Variants in PDE10A observed in about 807,000 individuals in gnomAD.
PDE10A encodes phosphodiesterase 10A, also known as cAMP and cAMP-inhibited cGMP 3',5'-cyclic phosphodiesterase 10A.
PDE10A carries 39 observed loss-of-function variants against 97.7 expected under a neutral mutation model. The observed-to-expected ratio is 0.40, with a 90% CI of 0.31 to 0.52. The LOEUF (loss-of-function observed/expected upper bound fraction) is 0.52, where lower values mean the gene tolerates loss of function less well. Ranked by LOEUF, PDE10A falls within the 20% of genes least tolerant of loss-of-function variation. The pLI is 0.56. For synonymous variants in PDE10A, 371 were observed against 376.8 expected, an observed-to-expected ratio of 0.98 and a Z score of 0.18; for missense variants, 731 against 1,047.8, an observed-to-expected ratio of 0.70 and a Z score of 4.17.
chr6:165,707,713 G>A (rs947688373), intron 1 of PDE10A, among the ~76,000 whole-genome samples: 6 of 151,776 alleles, frequency 4.0e-5, no homozygotes, highest in African/African-American at 1.2e-4. Context: ...GAGACTGTGC[G>A]TGTGTGTATG....
intron 1 of PDE10A, among the ~76,000 whole-genome samples, chr6:165,580,440 G>T (rs1051153306): frequency 6.6e-6 from 1 of 152,184 alleles, no homozygotes; most frequent in African/African-American, 2.4e-5. Context: ...AATGAGGCTG[G>T]TTTTTGTCAA....
chr6:165,417,053 T>C (rs183816088), intron 11 of PDE10A, among the ~76,000 whole-genome samples: 2 of 152,338 alleles, frequency 1.3e-5, no homozygotes, highest in Admixed American at 6.5e-5. Context: ...ATCTACATTT[T>C]ACATAGTTCA....
intron 1 of PDE10A, among the ~76,000 whole-genome samples, chr6:165,765,457 A>G (rs914270941): frequency 6.6e-6 from 1 of 152,376 alleles, no homozygotes; most frequent in East Asian, 1.9e-4. Context: ...GCCCGGCGAG[A>G]AATCGAGCGC....
At chr6:165,923,030 A>G (rs1168953702) in intron 1 of PDE10A, among the ~76,000 whole-genome samples, 5 of 152,182 alleles carry the variant, frequency 3.3e-5, no homozygotes, top group Non-Finnish European at 7.3e-5. Flanking sequence ...ATAGGAAAAC[A>G]CCCTAGCCCA....
At chr6:165,618,650 G>A (rs553652955) in intron 1 of PDE10A, among the ~76,000 whole-genome samples, 1 of 152,176 alleles carries the variant, frequency 6.6e-6, no homozygotes, top group Non-Finnish European at 1.5e-5. Context: ...CAACAAGGGG[G>A]TAGTTGGTAC....
chr6:165,870,024 G>A (rs574059797), intron 1 of PDE10A, among the ~76,000 whole-genome samples: 6 of 152,126 alleles, frequency 3.9e-5, no homozygotes, highest in Admixed American at 2.6e-4. Context: ...ACACACTTCG[G>A]GATATTGGTT....
chr6:165,984,882 G>A (rs79158269), intron 1 of PDE10A, among the ~76,000 whole-genome samples: 1,883 of 152,216 alleles, frequency 0.012, 27 homozygotes, highest in Non-Finnish European at 0.016. Flanking sequence ...GCCGGAACCC[G>A]TCCTTTGTTT....
chr6:165,775,263 G>A lies in PDE10A; in HGVS notation c.-615+212266C>T, dbSNP rs946222076. Reference sequence around the variant, plus strand: ...ACTGGCTTGTTGCTACAACAAGAACGGTGATATCATAATCACCATTGTGGA... The same window carrying A: ...ACTGGCTTGTTGCTACAACAAGAACAGTGATATCATAATCACCATTGTGGA... On this transcript the variant is annotated intron_variant, in intron 1 of 19. Transcript: ENST00000366882. The A allele has an allele frequency of 3.9e-5, 6 of 152,214 alleles. No homozygotes were observed. In the South Asian group the frequency reaches 6.2e-4, roughly 16 times the overall value. The allele number at this position is 152,214 out of a possible 1,614,324, so 9.4% of individuals were successfully genotyped here. A position where few individuals can be genotyped will look rare whatever the true frequency, so the allele number is the denominator to read the frequency against.
chr6:165,492,179 C>G (rs1179008804), intron 2 of PDE10A, among the ~76,000 whole-genome samples: 1 of 152,042 alleles, frequency 6.6e-6, no homozygotes, highest in African/African-American at 2.4e-5. Flanking sequence ...AAACTCTGAA[C>G]AGACTAATAA....
intron 1 of PDE10A, among the ~76,000 whole-genome samples, chr6:165,887,895 A>G (rs534190638): frequency 1.4e-4 from 22 of 152,304 alleles, no homozygotes; most frequent in African/African-American, 4.8e-4. Context: ...CAAGCAGTGG[A>G]AAAGACAAAG....
At chr6:165,786,920 C>A (rs957171770) in intron 1 of PDE10A, among the ~76,000 whole-genome samples, 1 of 152,056 alleles carries the variant, frequency 6.6e-6, no homozygotes, top group Admixed American at 6.6e-5. Flanking sequence ...ACAATAATGG[C>A]AACTATATTA....
chr6:165,712,631 CTTTTTTTTT>C (rs71675206), intron 1 of PDE10A, among the ~76,000 whole-genome samples: 1 of 88,970 alleles, frequency 1.1e-5, no homozygotes, highest in African/African-American at 4.5e-5. Context: ...AACTTTCTTT[CTTTTTTTTT>C]TTTTTTTTTT....
chr6:165,749,223 TATCACCATC>T (rs1792916678), intron 1 of PDE10A, among the ~76,000 whole-genome samples: 11 of 5,600 alleles, frequency 2.0e-3, no homozygotes, highest in Non-Finnish European at 3.2e-3. Context: ...ATCACCATCA[TATCACCATC>T]ACCACCATCA....
At chr6:165,700,804 C>T (rs184527578) in intron 1 of PDE10A, among the ~76,000 whole-genome samples, 3 of 152,310 alleles carry the variant, frequency 2.0e-5, no homozygotes, top group East Asian at 1.9e-4. Context: ...TGACACTTAA[C>T]ATTTATGTGA....
intron 2 of PDE10A, among the ~76,000 whole-genome samples, chr6:165,514,469 G>A (rs1781677179): frequency 6.6e-6 from 1 of 152,196 alleles, no homozygotes; most frequent in Non-Finnish European, 1.5e-5. Context: ...AAACCTGCTT[G>A]GTTTTACATT....
At chr6:165,975,200 A>T (rs1784813132) in intron 1 of PDE10A, among the ~76,000 whole-genome samples, 1 of 152,180 alleles carries the variant, frequency 6.6e-6, no homozygotes, top group Non-Finnish European at 1.5e-5. Context: ...ACTGAGACTG[A>T]CTGAGAGCCG....
At chr6:165,680,594 A>G (rs1269859621) in intron 1 of PDE10A, among the ~76,000 whole-genome samples, 1 of 152,196 alleles carries the variant, frequency 6.6e-6, no homozygotes, top group Non-Finnish European at 1.5e-5. Context: ...ATACACAAAA[A>G]TGCATCCTTT....
chr6:165,653,459 G>A (rs992699428), intron 1 of PDE10A, among the ~76,000 whole-genome samples: 2 of 152,170 alleles, frequency 1.3e-5, no homozygotes, highest in African/African-American at 2.4e-5. Context: ...CCAGTCAGGA[G>A]GATACCATGA....
At chr6:165,545,389 C>T (rs1783688797) in intron 1 of PDE10A, among the ~76,000 whole-genome samples, 2 of 152,062 alleles carry the variant, frequency 1.3e-5, no homozygotes, top group Admixed American at 1.3e-4. Context: ...TCTTGGTTTT[C>T]CTTTTTGTGT....
Sources: allele counts gnomAD v4.1 joint callset (sites outside exome capture counted in the v4.1 genomes callset), GRCh38; gene constraint gnomAD v4.1.1; transcripts MANE v1.5; gene names NCBI Gene and HGNC (gene_info 2026-07-23, HGNC 2026-07-21).